Variants in RDH16 observed in about 807,000 individuals in gnomAD.
RDH16 encodes retinol dehydrogenase 16.
Under a neutral mutation model 22.3 loss-of-function variants are expected in RDH16, and 25 were observed. That is an observed-to-expected ratio of 1.12 (90% confidence interval 0.82 to 1.56). The LOEUF is 1.56. Ranked by LOEUF, RDH16 falls within the 40% of genes most tolerant of loss-of-function variation. The probability of loss-of-function intolerance (pLI) is 0.00; values close to 1 mark genes in which losing one functional copy is unlikely to be tolerated. For missense variants in RDH16, 413 were observed against 394.9 expected, an observed-to-expected ratio of 1.05 and a Z score of -0.39; for synonymous variants, 154 against 164.4, an observed-to-expected ratio of 0.94 and a Z score of 0.48.
chr12:56,957,004 G>A, intron 1 of RDH16, 146 bp downstream of exon 1: 1 of 800,732 alleles, frequency 1.2e-6, no homozygotes, highest in East Asian at 2.5e-5. Flanking sequence ...TGGGGTTCAG[G>A]CAGCCTGTTA....
intron 2 of RDH16, among the ~76,000 whole-genome samples, chr12:56,954,018 G>A (rs1182247291): frequency 3.3e-5 from 5 of 152,132 alleles, no homozygotes; most frequent in African/African-American, 1.2e-4. Flanking sequence ...TCGTCAAAGG[G>A]GCTCTGGATA....
chr12:56,953,852 A>G (rs1209189795), intron 2 of RDH16, among the ~76,000 whole-genome samples: 2 of 152,142 alleles, frequency 1.3e-5, no homozygotes, highest in Admixed American at 1.3e-4. Flanking sequence ...TTGGTCACCA[A>G]CCTTATAAGC....
chr12:56,952,351 AC>A, intron 3 of RDH16, 105 bp from the exon 4 acceptor site: 2 of 1,036,702 alleles, frequency 1.9e-6, no homozygotes, highest in Non-Finnish European at 2.8e-6. Context: ...CCACCCCACA[AC>A]CCCCAGTCAA....
rs368808280 is a variant in RDH16, at chr12:56,957,333, G to A, written c.130C>T (p.Leu44=). ...CGTGCATCCAGCTGTCTGGCCAGCAGTTTCCCGAAGCCAGAGTCACAGCCC... is the reference window on the plus strand; with the variant it reads ...CGTGCATCCAGCTGTCTGGCCAGCAATTTCCCGAAGCCAGAGTCACAGCCC... The part of the protein sequence containing the change: ...ITGCDSGFGK[L]LARQLDARGL... Residue 44 remains leucine (L), a synonymous_variant, in exon 1 of 4, where the codon CTG becomes TTG. Coordinates refer to ENST00000398138, the MANE Select transcript of RDH16 (RefSeq NM_003708.5). The A allele has an allele frequency of 1.5e-4, 236 of 1,614,194 alleles. 1 individual carries two copies. The African/African-American group carries it at 2.7e-3, about 18-fold the overall frequency.
rs1175025362 is a variant in RDH16, at chr12:56,955,108, A to T, written c.370T>A (p.Leu124Met). The T allele has an allele frequency of 2.5e-6, 4 of 1,613,928 alleles. No homozygotes were observed. In the East Asian group the frequency reaches 8.9e-5, roughly 36 times the overall value. ...GISLPTAPNE[L>M]LTKQDFVTIL... is the part of the protein sequence containing the mutation. Reference sequence around the variant, plus strand: ...GTCACGAAGTCCTGCTTGGTGAGCAACTCATTGGGAGCCGTGGGCAAGGAG... The same window carrying T: ...GTCACGAAGTCCTGCTTGGTGAGCATCTCATTGGGAGCCGTGGGCAAGGAG... The change falls in exon 2 of 4, where the codon TTG becomes ATG. Residue 124 changes from leucine (L) to methionine (M), a missense_variant. Leu to Met is a conservative substitution (Grantham distance 15). Transcript: ENST00000398138.
chr12:56,954,131 G>A (rs1007385593), intron 2 of RDH16, among the ~76,000 whole-genome samples: 1 of 152,172 alleles, frequency 6.6e-6, no homozygotes, highest in Non-Finnish European at 1.5e-5. Context: ...CCCTAGAGAG[G>A]AAGAGCCCCA....
chr12:56,955,029 G>T lies in RDH16; in HGVS notation c.449C>A (p.Pro150His). 6.2e-7 allele frequency: 1 copy of T among 1,614,154 alleles called. No homozygotes were observed. Among genetic ancestry groups the T allele is most frequent in the Non-Finnish European group, 8.5e-7 (1 of 1,180,042 alleles). ...GVIDVTLSLL[P>H]LVRRARGRVV... ...ACGGCCCCTGGCCCTCCTCACTAAG[G>T]GCAGCAGGCTCAGAGTCACATCAAT... Residue 150 changes from proline to histidine, a missense_variant, in exon 2 of 4, where the codon CCC becomes CAC. Coordinates refer to ENST00000398138, the MANE Select transcript of RDH16 (RefSeq NM_003708.5).
intron 2 of RDH16, among the ~76,000 whole-genome samples, chr12:56,954,411 T>A (rs1955908250): frequency 1.3e-5 from 2 of 152,194 alleles, no homozygotes; most frequent in Admixed American, 6.5e-5. Flanking sequence ...CTTTCTCTGC[T>A]CCTTCTCTAG....
chr12:56,957,516 T>A lies in RDH16; in HGVS notation c.-54A>T, dbSNP rs915555392. 1.2e-5 allele frequency: 19 copies of A among 1,550,858 alleles called. No individual in the cohort carries two copies. The African/African-American group carries it at 2.6e-4, about 21-fold the overall frequency. On this transcript the variant is annotated 5_prime_UTR_variant, in exon 1 of 4. Transcript: ENST00000398138. ...CTGTGGGGGAAACCAGAGTCTGGCC[T>A]CTGTTCAGACAGGAGGATTTAAGAA...
chr12:56,952,878 G>A lies in RDH16; in HGVS notation c.685C>T (p.Arg229Trp), dbSNP rs377404302. 156 of 1,613,888 alleles carry A rather than the reference G, an allele frequency of 9.7e-5. 1 individual carries two copies. Among genetic ancestry groups the A allele is most frequent in the Non-Finnish European group, 1.2e-4 (141 of 1,179,994 alleles). Reference sequence around the variant, plus strand: ...GCCTCCTTGACCTCTGGACTGGACCGGTCCCAAATCTCCAGGAAGCTCTTT... The same window carrying A: ...GCCTCCTTGACCTCTGGACTGGACCAGTCCCAAATCTCCAGGAAGCTCTTT... ...FLKSFLEIWD[R>W]SSPEVKEAYG... Residue 229 changes from arginine to tryptophan, a missense_variant, in exon 3 of 4, where the codon CGG (arginine) becomes TGG (tryptophan). Physicochemically the swap from Arg to Trp is moderately radical, Grantham distance 101. Coordinates refer to ENST00000398138, the MANE Select transcript of RDH16 (RefSeq NM_003708.5).
Position 56,957,328 on chromosome 12 carries a change from C to T in RDH16, c.135G>A (p.Leu45=). 2 of 1,614,174 alleles carry T rather than the reference C, an allele frequency of 1.2e-6. No homozygotes were observed. The highest frequency in any genetic ancestry group is 1.1e-5 in the South Asian group (1 of 91,080). ...TGCDSGFGKL[L]ARQLDARGLR... ...AGCCTCGTGCATCCAGCTGTCTGGC[C>T]AGCAGTTTCCCGAAGCCAGAGTCAC... Residue 45 remains leucine (L), a synonymous_variant, in exon 1 of 4, where the codon CTG becomes CTA. Coordinates refer to ENST00000398138, the MANE Select transcript of RDH16 (RefSeq NM_003708.5).
At chr12:56,954,124 T>C (rs1369276422) in intron 2 of RDH16, among the ~76,000 whole-genome samples, 2 of 152,162 alleles carry the variant, frequency 1.3e-5, no homozygotes, top group East Asian at 3.9e-4. Context: ...TTTCTCTCCC[T>C]AGAGAGGAAG....
At chr12:56,955,915 C>G (rs1431596228) in intron 1 of RDH16, among the ~76,000 whole-genome samples, 1 of 152,142 alleles carries the variant, frequency 6.6e-6, no homozygotes, top group Non-Finnish European at 1.5e-5. Context: ...CCTTTAGTCC[C>G]AAGTTCACCC....
chr12:56,952,003 A>C lies in RDH16; in HGVS notation c.*26T>G. On this transcript the variant is annotated 3_prime_UTR_variant, in exon 4 of 4. Coordinates refer to ENST00000398138, the MANE Select transcript of RDH16 (RefSeq NM_003708.5). ...ACCCCTCATAGCACACCCCAAATCC[A>C]TGCAACCATGCATCCAACCTTAGCT... 6.2e-7 allele frequency: 1 copy of C among 1,603,668 alleles called. No individual in the cohort carries two copies. Among genetic ancestry groups the C allele is most frequent in the Admixed American group, 1.7e-5 (1 of 59,968 alleles).
At position 56,951,471 on chromosome 12, in the gene RDH16, C is replaced by T. The variant is rs1042314241; in HGVS notation, c.*558G>A. On this transcript the variant is annotated 3_prime_UTR_variant, in exon 4 of 4. Coordinates refer to ENST00000398138, the MANE Select transcript of RDH16 (RefSeq NM_003708.5). ...AAAACTGATTTATTTGTCCTCTGCA[C>T]AGATCCTTACTTAGGACACCACCTC... The T allele has an allele frequency of 6.2e-6, 1 of 162,044 alleles. No individual in the cohort carries two copies. Among genetic ancestry groups the T allele is most frequent in the African/African-American group, 2.4e-5 (1 of 41,768 alleles). 10.0% of individuals were successfully genotyped at this position (162,044 alleles called of 1,614,324 possible). A position where few individuals can be genotyped will look rare whatever the true frequency, so the allele number is the denominator to read the frequency against.
chr12:56,952,668 A>G (rs1410534498), intron 3 of RDH16, among the ~76,000 whole-genome samples, 159 bp downstream of exon 3: 2 of 152,136 alleles, frequency 1.3e-5, no homozygotes. Flanking sequence ...TGACCAGTTG[A>G]CCACACAGCA....
Position 56,951,763 on chromosome 12 carries a change from C to A in RDH16, c.*266G>T, listed in dbSNP as rs1355121640. ...AAGGATGGCCCTAGAGGCTTGGACC[C>A]TTGAGTGGCCACCCACGGTGACAAT... On this transcript the variant is annotated 3_prime_UTR_variant, in exon 4 of 4. Coordinates refer to ENST00000398138, the MANE Select transcript of RDH16 (RefSeq NM_003708.5). 5.9e-6 allele frequency: 3 copies of A among 507,064 alleles called. No individual in the cohort carries two copies. In the Admixed American group the frequency reaches 9.7e-5, roughly 16 times the overall value. 31.4% of individuals were successfully genotyped at this position (507,064 alleles called of 1,614,324 possible). A position where few individuals can be genotyped will look rare whatever the true frequency, so the allele number is the denominator to read the frequency against.
chr12:56,952,229 G>T lies in RDH16; in HGVS notation c.754C>A (p.Gln252Lys), dbSNP rs761625822. 1 of 1,613,976 alleles carries T rather than the reference G, an allele frequency of 6.2e-7. No homozygotes were observed. Among genetic ancestry groups the T allele is most frequent in the Non-Finnish European group, 8.5e-7 (1 of 1,179,922 alleles). Residue 252 changes from glutamine (Q) to lysine (K), a missense_variant, in exon 4 of 4, where the codon CAA becomes AAA. Coordinates refer to ENST00000398138, the MANE Select transcript of RDH16 (RefSeq NM_003708.5). ...FVADYKKSAE[Q>K]MEQKCTQDLS... Reference sequence around the variant, plus strand: ...TCCTGTGTGCACTTCTGCTCCATTTGTTCAGCTGATTTCTTATCTGTTAAG... The same window carrying T: ...TCCTGTGTGCACTTCTGCTCCATTTTTTCAGCTGATTTCTTATCTGTTAAG...
intron 1 of RDH16, among the ~76,000 whole-genome samples, chr12:56,956,601 GAAGA>G (rs781370726): frequency 2.0e-5 from 3 of 152,118 alleles, no homozygotes; most frequent in South Asian, 4.2e-4. Context: ...GTAGTGAAAA[GAAGA>G]AAGAAAGAAA....
Sources: gnomAD v4.1 joint callset for allele counts (sites outside exome capture counted in the v4.1 genomes callset) on GRCh38, gnomAD v4.1.1 for gene constraint, MANE v1.5 for transcripts, NCBI Gene and HGNC (gene_info 2026-07-23, HGNC 2026-07-21) for gene names.